The following DOCK10 variants were observed in gnomAD, a reference collection of about 807,000 sequenced individuals.
DOCK10 encodes dedicator of cytokinesis 10, also known as dedicator of cytokinesis protein 10.
In DOCK10, 145 loss-of-function variants were observed where a neutral mutation model predicts 280.1. The ratio of observed to expected loss-of-function variants is 0.52; its 90% CI spans 0.45 to 0.59. The LOEUF is 0.59. Among genes scored for constraint, DOCK10 ranks in the 20% least tolerant of loss-of-function variants. The pLI, the probability that DOCK10 is intolerant of heterozygous loss-of-function variation, is 0.00. For missense variants in DOCK10, 2,368 were observed against 2,651.7 expected (o/e 0.89, Z 2.35); for synonymous variants, 915 against 942.2 (o/e 0.97, Z 0.53).
chr2:224,919,497 TGTGA>T (rs889890400), intron 2 of DOCK10, among the ~76,000 whole-genome samples: 7 of 150,962 alleles, frequency 4.6e-5, no homozygotes, highest in Admixed American at 1.3e-4. Flanking sequence ...GTATGTGTGG[TGTGA>T]GTGTGTACGT....
intron 1 of DOCK10, among the ~76,000 whole-genome samples, chr2:224,942,229 C>T (rs761519170): frequency 1.3e-5 from 2 of 152,230 alleles, no homozygotes; most frequent in African/African-American, 2.4e-5. Context: ...CTCTGCAGCT[C>T]CCTGACACAT....
In DOCK10 at chr2:224,826,920, G is replaced by A. The variant is rs540915565; in HGVS notation, c.3037-3273C>T. On this transcript the variant is annotated intron_variant, in intron 27 of 55. Coordinates refer to ENST00000258390, the MANE Select transcript of DOCK10 (RefSeq NM_014689.3). The stretch of plus-strand genomic sequence containing the variant: ...TGAGGCTGCAGTGAGCTATGATTGT[G>A]CCACTGCACTCCAGCCTGGGCAACA... Among the ~76,000 whole-genome samples the A allele has an allele frequency of 2.6e-5, 4 of 151,570 alleles. No individual in the cohort carries two copies. The South Asian group carries it at 8.3e-4, about 32-fold the overall frequency.
At chr2:224,878,816 G>A (rs1698797339) in intron 7 of DOCK10, among the ~76,000 whole-genome samples, 1 of 152,148 alleles carries the variant, frequency 6.6e-6, no homozygotes, top group Non-Finnish European at 1.5e-5. Flanking sequence ...TCCCAGGCCT[G>A]GCTCTTTATA....
intron 55 of DOCK10, 99 bp from the exon 56 acceptor site, chr2:224,765,936 C>A: frequency 1.2e-6 from 1 of 809,798 alleles, no homozygotes; most frequent in South Asian, 2.3e-5. Flanking sequence ...TCATTCCCCA[C>A]AGGGTAATTT....
chr2:224,834,551 C>T (rs1425435354), intron 25 of DOCK10, among the ~76,000 whole-genome samples: 1 of 152,166 alleles, frequency 6.6e-6, no homozygotes, highest in Non-Finnish European at 1.5e-5. Context: ...GGCTTTGACC[C>T]ACCTACTTAG....
chr2:224,777,174 C>A (rs1690933205), intron 51 of DOCK10, among the ~76,000 whole-genome samples: 1 of 152,024 alleles, frequency 6.6e-6, no homozygotes, highest in South Asian at 2.1e-4. Flanking sequence ...TTTCTGGAGC[C>A]AAGAGGAAGG....
chr2:224,971,651 C>T (rs1705090304), intron 1 of DOCK10, among the ~76,000 whole-genome samples: 1 of 151,966 alleles, frequency 6.6e-6, no homozygotes, highest in African/African-American at 2.4e-5. Context: ...TTTTATTTAA[C>T]TTTGATTTAA....
At chr2:224,924,019 T>C (rs1003761508) in intron 2 of DOCK10, among the ~76,000 whole-genome samples, 1 of 152,222 alleles carries the variant, frequency 6.6e-6, no homozygotes, top group African/African-American at 2.4e-5. Flanking sequence ...ATAACAACTG[T>C]AAAATAAGTT....
Position 224,819,878 on chromosome 2 carries a change from T to A in DOCK10, c.3184-349A>T, listed in dbSNP as rs1694389899. Among the ~76,000 whole-genome samples the A allele has an allele frequency of 2.0e-5, 3 of 152,342 alleles. No individual in the cohort carries two copies. In the South Asian group the frequency reaches 6.2e-4, roughly 32 times the overall value. On this transcript the variant is annotated intron_variant, in intron 28 of 55. Coordinates refer to ENST00000258390, the MANE Select transcript of DOCK10 (RefSeq NM_014689.3). ...CAGAAAGTTATAAATCTATATTGAT[T>A]TTATAAAATGTCACTGGAGCTTTGC...
At chr2:224,990,880 C>T (rs915650996) in intron 1 of DOCK10, among the ~76,000 whole-genome samples, 8 of 152,216 alleles carry the variant, frequency 5.3e-5, no homozygotes, top group African/African-American at 1.9e-4. Flanking sequence ...GGGACAGAAA[C>T]AACTTCTCCA....
intron 45 of DOCK10, among the ~76,000 whole-genome samples, 197 bp downstream of exon 45, chr2:224,794,678 CTTTA>C (rs1213949872): frequency 6.6e-6 from 1 of 152,130 alleles, no homozygotes; most frequent in Non-Finnish European, 1.5e-5. Context: ...TGACTCTGGC[CTTTA>C]TTTGATATCA....
At chr2:224,849,368 A>T (rs1696575165) in intron 19 of DOCK10, 139 bp downstream of exon 19, 2 of 515,176 alleles carry the variant, frequency 3.9e-6, no homozygotes, top group Non-Finnish European at 3.4e-6. Context: ...TAGTTTAGAA[A>T]TATTGGTAAG....
At chr2:224,900,050 A>T (rs534669401) in intron 3 of DOCK10, among the ~76,000 whole-genome samples, 2 of 152,122 alleles carry the variant, frequency 1.3e-5, no homozygotes, top group Non-Finnish European at 2.9e-5. Flanking sequence ...CTATCTCCAC[A>T]CTTTCTGATC....
intron 1 of DOCK10, among the ~76,000 whole-genome samples, chr2:225,040,511 TGC>T (rs1338080904): frequency 1.2e-5 from 1 of 85,446 alleles, no homozygotes. Flanking sequence ...GAGAAAGCAG[TGC>T]GTGTGTGTGT....
At chr2:224,923,767 T>C (rs546615191) in intron 2 of DOCK10, among the ~76,000 whole-genome samples, 25 of 152,366 alleles carry the variant, frequency 1.6e-4, no homozygotes, top group South Asian at 1.2e-3. Flanking sequence ...CCTCATTCTT[T>C]AGAAATCTCA....
In DOCK10 at chr2:224,800,008, T is replaced by A. The variant is rs879803818; in HGVS notation, c.4506+143A>T. 6 of 498,072 alleles carry A rather than the reference T, an allele frequency of 1.2e-5. 1 individual carries two copies. The highest frequency in any genetic ancestry group is 1.5e-5 in the Non-Finnish European group (4 of 275,352). The allele number at this position is 498,072 out of a possible 1,614,324, so 30.9% of individuals were successfully genotyped here. A position where few individuals can be genotyped will look rare whatever the true frequency, so the allele number is the denominator to read the frequency against. On this transcript the variant is annotated intron_variant, in intron 41 of 55. Coordinates refer to ENST00000258390, the MANE Select transcript of DOCK10 (RefSeq NM_014689.3). ...TAAAATCAAAATCTCATCTTTAACA[T>A]GTTTTCCACTCACACTTAGGTTGAT...
intron 1 of DOCK10, among the ~76,000 whole-genome samples, chr2:224,976,565 C>T (rs543150193): frequency 4.6e-5 from 7 of 151,634 alleles, no homozygotes; most frequent in Admixed American, 3.9e-4. Flanking sequence ...TCTAGAGTTT[C>T]TCAATCATAG....
intron 1 of DOCK10, among the ~76,000 whole-genome samples, chr2:225,040,959 C>T (rs768027677): frequency 1.3e-5 from 2 of 152,076 alleles, no homozygotes; most frequent in Non-Finnish European, 2.9e-5. Flanking sequence ...ACAGTTGAAC[C>T]ACCTCTGGGT....
intron 1 of DOCK10, among the ~76,000 whole-genome samples, chr2:225,009,638 C>CAAAAAAAA (rs10639609): frequency 7.4e-6 from 1 of 135,562 alleles, no homozygotes; most frequent in South Asian, 2.4e-4. Flanking sequence ...AGCCCTAAGG[C>CAAAAAAAA]AAAAAAAAAA....
Sources: gnomAD v4.1 joint callset for allele counts (sites outside exome capture counted in the v4.1 genomes callset) on GRCh38, gnomAD v4.1.1 for gene constraint, MANE v1.5 for transcripts, NCBI Gene and HGNC (gene_info 2026-07-23, HGNC 2026-07-21) for gene names.